Variants in EXO1 observed in about 807,000 individuals in gnomAD.
EXO1 encodes the protein exonuclease 1.
A neutral mutation model predicts 84.5 loss-of-function variants in EXO1; 69 were observed. That is an observed-to-expected ratio of 0.82 (90% CI 0.67 to 1.00). The LOEUF (loss-of-function observed/expected upper bound fraction) is 1.00, where lower values mean the gene tolerates loss of function less well. Ranked by LOEUF, EXO1 falls within the 50% of genes least tolerant of loss-of-function variation. The probability of loss-of-function intolerance (pLI) is 0.00; values close to 1 mark genes in which losing one functional copy is unlikely to be tolerated. For synonymous variants in EXO1, 373 were observed against 366.1 expected (o/e 1.02, Z -0.21); for missense variants, 1,045 against 1,000.7 (o/e 1.04, Z -0.60).
chr1:241,869,469 T>C (rs1217453354), intron 11 of EXO1, among the ~76,000 whole-genome samples: 1 of 152,190 alleles, frequency 6.6e-6, no homozygotes, highest in African/African-American at 2.4e-5. Flanking sequence ...CCCTCAGACA[T>C]CTACATCGGT....
intron 15 of EXO1, 28 bp downstream of exon 15, chr1:241,885,535 A>G (rs1663014511): frequency 1.3e-6 from 2 of 1,501,280 alleles, no homozygotes; most frequent in African/African-American, 1.4e-5. Context: ...TTATTCTGAA[A>G]CAAGATAAAC....
chr1:241,874,119 G>A (rs1042531032), intron 12 of EXO1, among the ~76,000 whole-genome samples: 7 of 152,164 alleles, frequency 4.6e-5, no homozygotes, highest in African/African-American at 2.4e-5. Flanking sequence ...TGAGAGGGTC[G>A]CCGGGCACGA....
At chr1:241,863,471 A>T (rs1352762767) in intron 10 of EXO1, among the ~76,000 whole-genome samples, 1 of 151,984 alleles carries the variant, frequency 6.6e-6, no homozygotes, top group African/African-American at 2.4e-5. Flanking sequence ...GAACTCTTAG[A>T]TTGTTCATTA....
chr1:241,862,208 G>A (rs1165500348), intron 10 of EXO1, among the ~76,000 whole-genome samples: 1 of 152,176 alleles, frequency 6.6e-6, no homozygotes, highest in African/African-American at 2.4e-5. Flanking sequence ...AAAGCGCTGG[G>A]ATTACAGGCG....
intron 12 of EXO1, among the ~76,000 whole-genome samples, chr1:241,873,164 G>A (rs565327201): frequency 4.6e-5 from 7 of 152,030 alleles, no homozygotes; most frequent in Admixed American, 4.6e-4. Context: ...ATGTTGGTGT[G>A]CTGCACCCAT....
rs143558674 is a variant in EXO1 at position 241,870,236 on chromosome 1, C to G, written c.1268-1796C>G. Reference sequence around the variant, plus strand: ...TAAGTCTACTTTTCTATAACTACAACTTATCAATAGGTTTTGTCCCCTTTC... The same window carrying G: ...TAAGTCTACTTTTCTATAACTACAAGTTATCAATAGGTTTTGTCCCCTTTC... On this transcript the variant is annotated intron_variant, in intron 11 of 15. Coordinates refer to ENST00000366548, the MANE Select transcript of EXO1 (RefSeq NM_130398.4). Among the ~76,000 whole-genome samples the G allele has an allele frequency of 3.6e-3, 543 of 152,302 alleles. 1 individual carries two copies. Among genetic ancestry groups the G allele is most frequent in the Non-Finnish European group, 6.1e-3 (415 of 68,026 alleles).
In EXO1 at chr1:241,872,136, G is replaced by C; in HGVS notation, c.1372G>C (p.Val458Leu). The change falls in exon 12 of 16, where the codon GTG (valine) becomes CTG (leucine). Residue 458 changes from valine to leucine, a missense_variant. Val to Leu is a conservative substitution (Grantham distance 32). Transcript: ENST00000366548. ...EGNKSLSFSEVFVPDLVNGPT... is the reference protein window; with the variant it reads ...EGNKSLSFSELFVPDLVNGPT... ...CAATAAATCATTGAGCTTTTCTGAAGTGTTTGTGCCTGACCTGGTAAATGG... is the reference window on the plus strand; with the variant it reads ...CAATAAATCATTGAGCTTTTCTGAACTGTTTGTGCCTGACCTGGTAAATGG... 1 of 1,613,814 alleles carries C rather than the reference G, an allele frequency of 6.2e-7. No individual in the cohort carries two copies. The highest frequency in any genetic ancestry group is 8.5e-7 in the Non-Finnish European group (1 of 1,179,858).
In EXO1 at chr1:241,853,401, G is replaced by A. The variant is rs143546023; in HGVS notation, c.325G>A (p.Glu109Lys). The change falls in exon 6 of 16, where the codon GAG (glutamate) becomes AAG (lysine). Residue 109 changes from glutamate (E) to lysine (K), a missense_variant. By Grantham distance (56) the Glu-to-Lys change is moderately conservative (BLOSUM62 1). Transcript: ENST00000366548. ...TCTTAAGGGAAAGCAACTTCTTCGT[G>A]AGGGGAAAGTCTCGGAAGCTCGAGA... ...NLLKGKQLLR[E>K]GKVSEARECF... is the part of the protein sequence containing the mutation. The A allele has an allele frequency of 3.8e-4, 613 of 1,613,884 alleles. No individual in the cohort carries two copies. The highest frequency in any genetic ancestry group is 5.0e-4 in the Non-Finnish European group (591 of 1,179,862).
intron 11 of EXO1, 102 bp from the exon 12 acceptor site, chr1:241,871,928 TTA>T: frequency 1.3e-6 from 1 of 781,126 alleles, no homozygotes; most frequent in Non-Finnish European, 2.1e-6. Context: ...TTTTTTTTTT[TTA>T]AAGTCCTTAT....
intron 11 of EXO1, among the ~76,000 whole-genome samples, 180 bp downstream of exon 11, chr1:241,867,235 G>C (rs927255155): frequency 1.2e-4 from 19 of 152,206 alleles, no homozygotes; most frequent in African/African-American, 4.6e-4. Context: ...ACAAAAGAAA[G>C]AGGTTTAATG....
At chr1:241,888,297 T>A (rs1663179513) in intron 15 of EXO1, among the ~76,000 whole-genome samples, 1 of 152,326 alleles carries the variant, frequency 6.6e-6, no homozygotes. Context: ...TTAATAAAAT[T>A]AATGATTTGT....
At chr1:241,886,975 G>A (rs1490514897) in intron 15 of EXO1, among the ~76,000 whole-genome samples, 1 of 152,124 alleles carries the variant, frequency 6.6e-6, no homozygotes, top group Non-Finnish European at 1.5e-5. Context: ...TTGAGTATAT[G>A]AAGGAAATAG....
At chr1:241,874,439 A>G (rs2236917) in intron 12 of EXO1, among the ~76,000 whole-genome samples, 19,516 of 152,194 alleles carry the variant, frequency 0.13, 1,727 homozygotes, top group East Asian at 0.42. Context: ...GGTTTTAATC[A>G]GGGGAGGTGG....
chr1:241,856,125 C>T (rs1043571597), intron 6 of EXO1, among the ~76,000 whole-genome samples: 1 of 152,154 alleles, frequency 6.6e-6, no homozygotes, highest in East Asian at 1.9e-4. Flanking sequence ...ACTGCCAGCA[C>T]GCTGTCACTT....
chr1:241,871,821 A>T (rs1028580481), intron 11 of EXO1, among the ~76,000 whole-genome samples: 2 of 152,066 alleles, frequency 1.3e-5, no homozygotes, highest in Non-Finnish European at 2.9e-5. Flanking sequence ...ACTGATATTA[A>T]ATCTTAAACT....
chr1:241,862,251 T>G (rs1661443591), intron 10 of EXO1, among the ~76,000 whole-genome samples: 1 of 152,252 alleles, frequency 6.6e-6, no homozygotes, highest in African/African-American at 2.4e-5. Flanking sequence ...ATTTGCTGTT[T>G]TCTTCTGCTT....
chr1:241,852,488 T>A (rs1370650891), intron 5 of EXO1, 77 bp downstream of exon 5: 1 of 1,383,836 alleles, frequency 7.2e-7, no homozygotes, highest in Non-Finnish European at 1.0e-6. Context: ...TACCAATTTT[T>A]AAAATTTTAA....
At chr1:241,869,777 TCC>T (rs1661981234) in intron 11 of EXO1, among the ~76,000 whole-genome samples, 1 of 24,000 alleles carries the variant, frequency 4.2e-5, no homozygotes, top group African/African-American at 1.7e-4. Context: ...CCTCCCTCCC[TCC>T]TTCCTTCCTT....
intron 15 of EXO1, among the ~76,000 whole-genome samples, chr1:241,885,887 C>G (rs1223571453): frequency 3.5e-5 from 5 of 142,664 alleles, no homozygotes; most frequent in Admixed American, 3.0e-4. Flanking sequence ...GAGTTTTGCT[C>G]TTGTTACCCA....
Sources: allele counts gnomAD v4.1 joint callset (sites outside exome capture counted in the v4.1 genomes callset), GRCh38; gene constraint gnomAD v4.1.1; transcripts MANE v1.5; gene names NCBI Gene and HGNC (gene_info 2026-07-23, HGNC 2026-07-21).